MAGI1: variants seen among roughly 807,000 people sequenced by gnomAD.
MAGI1 encodes membrane associated guanylate kinase, WW and PDZ domain containing 1.
A neutral mutation model predicts 139.9 loss-of-function variants in MAGI1; 58 were observed. That is an observed-to-expected ratio of 0.41 (90% CI 0.34 to 0.52). MAGI1 has a LOEUF of 0.52. Ranked by LOEUF, MAGI1 falls within the 20% of genes least tolerant of loss-of-function variation. MAGI1 has a pLI of 0.12. For synonymous variants in MAGI1, 812 were observed against 737.9 expected, an observed-to-expected ratio of 1.10 and a Z score of -1.63; for missense variants, 1,874 against 1,901.6, an observed-to-expected ratio of 0.99 and a Z score of 0.27.
chr3:65,859,875 A>G (rs1268995985), intron 1 of MAGI1, among the ~76,000 whole-genome samples: 3 of 141,938 alleles, frequency 2.1e-5, no homozygotes, highest in Non-Finnish European at 3.0e-5. Flanking sequence ...ATGCTAACCA[A>G]TCAGGTGTTT....
At chr3:65,405,884 C>T (rs529343677) in intron 12 of MAGI1, among the ~76,000 whole-genome samples, 2 of 131,268 alleles carry the variant, frequency 1.5e-5, no homozygotes, top group Admixed American at 1.5e-4. Context: ...CACGTCACCA[C>T]GCCTGGCTAG....
intron 1 of MAGI1, among the ~76,000 whole-genome samples, chr3:65,734,525 A>AAGAGAGAG (rs1225434512): frequency 2.7e-5 from 4 of 147,772 alleles, no homozygotes; most frequent in African/African-American, 1.0e-4. Context: ...GAAAGAGAGA[A>AAGAGAGAG]AGAGAGAGGG....
At chr3:65,721,886 AG>A (rs1432045565) in intron 1 of MAGI1, among the ~76,000 whole-genome samples, 1 of 150,794 alleles carries the variant, frequency 6.6e-6, no homozygotes, top group Non-Finnish European at 1.5e-5. Flanking sequence ...CTAATTCTGG[AG>A]GTCGACTAAG....
chr3:65,621,848 TCACTC>T, intron 2 of MAGI1, 119 bp downstream of exon 2: 1 of 641,798 alleles, frequency 1.6e-6, no homozygotes, highest in Admixed American at 2.6e-5. Flanking sequence ...AGTTAAGGAG[TCACTC>T]AGTAGGCCAA....
At chr3:65,400,550 C>A (rs1944782333) in intron 13 of MAGI1, among the ~76,000 whole-genome samples, 1 of 152,036 alleles carries the variant, frequency 6.6e-6, no homozygotes, top group Non-Finnish European at 1.5e-5. Context: ...AATTGGGAAG[C>A]CCCTTCCACC....
intron 13 of MAGI1, among the ~76,000 whole-genome samples, chr3:65,401,192 A>T (rs1367835453): frequency 1.3e-5 from 2 of 152,140 alleles, no homozygotes; most frequent in East Asian, 3.9e-4. Context: ...GAAGATTTCA[A>T]ACATGCATTC....
intron 1 of MAGI1, among the ~76,000 whole-genome samples, chr3:65,846,864 G>T (rs1025278792): frequency 4.0e-5 from 6 of 151,528 alleles, no homozygotes; most frequent in Admixed American, 3.9e-4. Flanking sequence ...AGGATGGATG[G>T]GTTGACAAAT....
chr3:65,452,258 C>T (rs1226789550), intron 6 of MAGI1, among the ~76,000 whole-genome samples: 1 of 152,092 alleles, frequency 6.6e-6, no homozygotes, highest in African/African-American at 2.4e-5. Flanking sequence ...AATCTGCAAA[C>T]CATGTATAAT....
At chr3:65,929,877 C>G (rs1380032973) in intron 1 of MAGI1, among the ~76,000 whole-genome samples, 1 of 152,076 alleles carries the variant, frequency 6.6e-6, no homozygotes, top group Non-Finnish European at 1.5e-5. Context: ...ATTCTGGGGT[C>G]TAATCCATTC....
intron 2 of MAGI1, among the ~76,000 whole-genome samples, chr3:65,604,326 A>G (rs145214554): frequency 6.6e-5 from 10 of 152,276 alleles, no homozygotes; most frequent in African/African-American, 2.4e-4. Context: ...TTGTGCCTGG[A>G]TAATGATGTT....
chr3:65,956,021 TC>T (rs768093319), intron 1 of MAGI1, among the ~76,000 whole-genome samples: 8 of 152,112 alleles, frequency 5.3e-5, no homozygotes, highest in Non-Finnish European at 8.8e-5. Flanking sequence ...TGTTTATGGT[TC>T]TGCCCGGCCA....
intron 1 of MAGI1, among the ~76,000 whole-genome samples, chr3:65,860,721 G>A (rs1260974339): frequency 6.6e-6 from 1 of 152,184 alleles, no homozygotes; most frequent in African/African-American, 2.4e-5. Context: ...CAGGATGCGT[G>A]CGGTAGGTTC....
chr3:65,642,889 T>G (rs574629882), intron 1 of MAGI1, among the ~76,000 whole-genome samples: 1 of 152,314 alleles, frequency 6.6e-6, no homozygotes, highest in African/African-American at 2.4e-5. Flanking sequence ...AGACTTCTGT[T>G]CCAAAATGAG....
chr3:65,758,351 T>G (rs2036723367), intron 1 of MAGI1, among the ~76,000 whole-genome samples: 1 of 151,906 alleles, frequency 6.6e-6, no homozygotes, highest in South Asian at 2.1e-4. Flanking sequence ...GATTTTATTA[T>G]ATTCAAAACT....
intron 1 of MAGI1, among the ~76,000 whole-genome samples, chr3:65,628,343 A>G (rs574373880): frequency 6.6e-6 from 1 of 152,084 alleles, no homozygotes; most frequent in East Asian, 1.9e-4. Flanking sequence ...GCTATGGTTT[A>G]TTCCAGCAAA....
intron 12 of MAGI1, among the ~76,000 whole-genome samples, chr3:65,402,598 C>T (rs1308749553): frequency 6.6e-6 from 1 of 152,038 alleles, no homozygotes; most frequent in African/African-American, 2.4e-5. Flanking sequence ...GATGCTGCAC[C>T]GGAGATTTCA....
At chr3:65,366,752 C>G (rs2106765185) in intron 18 of MAGI1, among the ~76,000 whole-genome samples, 1 of 152,276 alleles carries the variant, frequency 6.6e-6, no homozygotes, top group Non-Finnish European at 1.5e-5. Context: ...TGGAATACTG[C>G]CTGGCACACA....
intron 6 of MAGI1, among the ~76,000 whole-genome samples, chr3:65,449,596 GAAACC>G (rs1948897982): frequency 6.6e-6 from 1 of 152,038 alleles, no homozygotes; most frequent in South Asian, 2.1e-4. Flanking sequence ...CCAACATGGT[GAAACC>G]CCGACTCTAT....
At chr3:65,527,050 C>T (rs933500673) in intron 2 of MAGI1, among the ~76,000 whole-genome samples, 3 of 152,302 alleles carry the variant, frequency 2.0e-5, no homozygotes, top group African/African-American at 7.2e-5. Flanking sequence ...GGCTAAGATT[C>T]ACGTATCTTC....
Sources: allele counts gnomAD v4.1 joint callset (sites outside exome capture counted in the v4.1 genomes callset), GRCh38; gene constraint gnomAD v4.1.1; transcripts MANE v1.5; gene names NCBI Gene and HGNC (gene_info 2026-07-23, HGNC 2026-07-21).